RBM33: variants seen among roughly 807,000 people sequenced by gnomAD.
RBM33 encodes the protein RNA binding motif protein 33.
RBM33 carries 28 observed loss-of-function variants against 132.6 expected under a neutral mutation model. That is an observed-to-expected ratio of 0.21 (90% confidence interval 0.16 to 0.29). RBM33 has a LOEUF of 0.29. Among genes scored for constraint, RBM33 ranks in the 10% least tolerant of loss-of-function variants. The pLI is 1.00. For synonymous variants in RBM33, 634 were observed against 593.0 expected (o/e 1.07, Z -1.01); for missense variants, 1,291 against 1,518.5 (o/e 0.85, Z 2.49).
At chr7:155,760,577 A>G (rs553829445) in intron 14 of RBM33, among the ~76,000 whole-genome samples, 11 of 152,368 alleles carry the variant, frequency 7.2e-5, no homozygotes, top group African/African-American at 2.6e-4. Context: ...TGAATCTCAT[A>G]CTAAGATTGT....
rs761712785 is a variant in RBM33 at position 155,766,512 on chromosome 7, C to T, written c.3232C>T (p.Arg1078Trp). Residue 1078 changes from arginine (R) to tryptophan (W), a missense_variant, in exon 16 of 18, where the codon CGG (arginine) becomes TGG (tryptophan). Arg to Trp is a moderately radical substitution (Grantham distance 101, BLOSUM62 -3). Transcript: ENST00000401878. ...CAGAGGAGTGGCCGGTCCCATGGGC[C>T]GGGGGCGCCTGATGCCAAACAAGCA... ...RGRGVAGPMG[R>W]GRLMPNKQNL... 34 of 1,613,564 alleles carry T rather than the reference C, an allele frequency of 2.1e-5. No individual in the cohort carries two copies. Among genetic ancestry groups the T allele is most frequent in the Middle Eastern group, 1.7e-4 (1 of 6,060 alleles).
chr7:155,685,130 A>C, intron 5 of RBM33: 1 of 1,436,784 alleles, frequency 7.0e-7, no homozygotes, highest in Non-Finnish European at 9.4e-7. Context: ...TCTTTTTAGC[A>C]TTAGCGAAAG....
chr7:155,733,778 C>T (rs1801027613), intron 9 of RBM33, among the ~76,000 whole-genome samples: 1 of 152,214 alleles, frequency 6.6e-6, no homozygotes, highest in Non-Finnish European at 1.5e-5. Flanking sequence ...TGGCCGTTCA[C>T]ATTGCTAGTA....
At chr7:155,771,439 T>C (rs2117082514) in intron 16 of RBM33, among the ~76,000 whole-genome samples, 1 of 152,246 alleles carries the variant, frequency 6.6e-6, no homozygotes, top group Non-Finnish European at 1.5e-5. Flanking sequence ...GAAGCAAATT[T>C]TAGGGCAGCA....
At position 155,731,102 on chromosome 7, in the gene RBM33, C is replaced by G. The variant is rs184422793; in HGVS notation, c.1261-6428C>G. Reference sequence around the variant, plus strand: ...CACAACCTGTGGCAAAGTAAAAAATCGAACCTTGGTTGACTCTCCGCTCAG... The same window carrying G: ...CACAACCTGTGGCAAAGTAAAAAATGGAACCTTGGTTGACTCTCCGCTCAG... On this transcript the variant is annotated intron_variant, in intron 9 of 17. Transcript: ENST00000401878. Among the ~76,000 whole-genome samples, 3 of 152,302 alleles carry G rather than the reference C, an allele frequency of 2.0e-5. 1 individual carries two copies. Among genetic ancestry groups the G allele is most frequent in the Admixed American group, 2.0e-4 (3 of 15,306 alleles).
chr7:155,645,456 C>T (rs992660680), intron 1 of RBM33, among the ~76,000 whole-genome samples: 3 of 152,192 alleles, frequency 2.0e-5, no homozygotes, highest in Non-Finnish European at 4.4e-5. Context: ...CTCAATAAAT[C>T]CCTGTTTTAA....
rs573766895 is a variant in RBM33, at chr7:155,778,567, T to G, written c.*3526T>G. ...GTTGAGAGCCCTTGGGCCAGGGTGTTTGGCGGCACAGGGGCATCCGCTGGA... is the reference window on the plus strand; with the variant it reads ...GTTGAGAGCCCTTGGGCCAGGGTGTGTGGCGGCACAGGGGCATCCGCTGGA... On this transcript the variant is annotated 3_prime_UTR_variant, in exon 18 of 18. Coordinates refer to ENST00000401878, the MANE Select transcript of RBM33 (RefSeq NM_053043.3). This position sits in a 1 kb window ranked among gnomAD's most constrained non-coding sequence, Gnocchi z 4.0. The G allele has an allele frequency of 6.6e-6, 1 of 152,344 alleles. No homozygotes were observed. Among genetic ancestry groups the G allele is most frequent in the Admixed American group, 6.5e-5 (1 of 15,290 alleles). The allele number at this position is 152,344 out of a possible 1,614,324, so 9.4% of individuals were successfully genotyped here.
chr7:155,704,231 A>G (rs1585461666), intron 6 of RBM33, among the ~76,000 whole-genome samples: 2 of 152,330 alleles, frequency 1.3e-5, no homozygotes, highest in East Asian at 1.9e-4. Flanking sequence ...TAGAAGTAGA[A>G]TTCTGGGCTT....
intron 16 of RBM33, among the ~76,000 whole-genome samples, chr7:155,768,029 C>T (rs1802282654): frequency 6.6e-6 from 1 of 152,204 alleles, no homozygotes; most frequent in Non-Finnish European, 1.5e-5. Flanking sequence ...CTTGGCGAGG[C>T]CTCACGTGTG....
intron 14 of RBM33, among the ~76,000 whole-genome samples, chr7:155,748,410 G>T (rs1051273542): frequency 6.6e-6 from 1 of 152,182 alleles, no homozygotes; most frequent in Non-Finnish European, 1.5e-5. Context: ...TTGTGCTCTG[G>T]TGGGTGATTG....
chr7:155,770,912 C>G (rs1199896970), intron 16 of RBM33, among the ~76,000 whole-genome samples: 1 of 152,144 alleles, frequency 6.6e-6, no homozygotes, highest in Non-Finnish European at 1.5e-5. Flanking sequence ...TTGCTGGGTA[C>G]ACATGTGTGA....
At chr7:155,752,720 G>T (rs1426990603) in intron 14 of RBM33, among the ~76,000 whole-genome samples, 1 of 152,184 alleles carries the variant, frequency 6.6e-6, no homozygotes, top group African/African-American at 2.4e-5. Context: ...TTCGGTTGGG[G>T]TTAGAATTTG....
At chr7:155,646,130 T>C (rs1039357135) in intron 1 of RBM33, among the ~76,000 whole-genome samples, 1 of 152,046 alleles carries the variant, frequency 6.6e-6, no homozygotes, top group Non-Finnish European at 1.5e-5. Context: ...TGAACACTCT[T>C]TTCATTAGAA....
rs372440175 is a variant in RBM33 at position 155,780,965 on chromosome 7, T to G, written c.*5924T>G. The G allele has an allele frequency of 1.3e-5, 2 of 152,908 alleles. No individual in the cohort carries two copies. The highest frequency in any genetic ancestry group is 1.9e-4 in the East Asian group (1 of 5,188). The allele number at this position is 152,908 out of a possible 1,614,324, so 9.5% of individuals were successfully genotyped here. The stretch of plus-strand genomic sequence containing the variant: ...CGGTTCGTGCCCTTAACCACCCGCT[T>G]CTTTGTTTCCCGCCCCTCTGCTTTC... On this transcript the variant is annotated 3_prime_UTR_variant, in exon 18 of 18. Coordinates refer to ENST00000401878, the MANE Select transcript of RBM33 (RefSeq NM_053043.3).
Position 155,778,137 on chromosome 7 carries a change from C to T in RBM33, c.*3096C>T, listed in dbSNP as rs972543021. ...TCTCTGTTTTGTGGACAGGCAGCAG[C>T]CTCCGTAGGCACCCGCACCCTGCCT... is the stretch of plus-strand genomic sequence containing the variant. On this transcript the variant is annotated 3_prime_UTR_variant, in exon 18 of 18. Coordinates refer to ENST00000401878, the MANE Select transcript of RBM33 (RefSeq NM_053043.3). This position sits in a 1 kb window ranked among gnomAD's most constrained non-coding sequence, Gnocchi z 4.0. 1 of 152,626 alleles carries T rather than the reference C, an allele frequency of 6.6e-6. No individual in the cohort carries two copies. The highest frequency in any genetic ancestry group is 1.5e-5 in the Non-Finnish European group (1 of 68,044). The allele number at this position is 152,626 out of a possible 1,614,324, so 9.5% of individuals were successfully genotyped here. A position where few individuals can be genotyped will look rare whatever the true frequency, so the allele number is the denominator to read the frequency against.
At chr7:155,645,017 C>T (rs994296347) in intron 1 of RBM33, 98 bp downstream of exon 1, 36 of 890,268 alleles carry the variant, frequency 4.0e-5, no homozygotes, top group Non-Finnish European at 5.6e-5. Context: ...ACGAGGCTCT[C>T]CCCGGCTCCG....
At chr7:155,769,951 A>T (rs569457487) in intron 16 of RBM33, among the ~76,000 whole-genome samples, 2 of 152,302 alleles carry the variant, frequency 1.3e-5, no homozygotes, top group African/African-American at 4.8e-5. Flanking sequence ...ATCATTCCAA[A>T]AGGAGGAGGA....
intron 15 of RBM33, among the ~76,000 whole-genome samples, chr7:155,764,899 C>G (rs777438868): frequency 1.3e-5 from 2 of 152,258 alleles, no homozygotes; most frequent in African/African-American, 2.4e-5. Context: ...ATCTCATAAA[C>G]ACTTCATGAT....
At chr7:155,766,778 T>A in intron 16 of RBM33, 123 bp downstream of exon 16, 2 of 928,602 alleles carry the variant, frequency 2.2e-6, no homozygotes, top group Non-Finnish European at 3.3e-6. Flanking sequence ...ACTTGGGAAG[T>A]AAGACAAATA....
Sources: gnomAD v4.1 joint callset for allele counts (sites outside exome capture counted in the v4.1 genomes callset) on GRCh38, gnomAD v4.1.1 for gene constraint, Gnocchi (gnomAD v3.1) non-coding constraint, MANE v1.5 for transcripts, NCBI Gene and HGNC (gene_info 2026-07-23, HGNC 2026-07-21) for gene names.